The following ST3GAL2 variants were observed in gnomAD, a reference collection of about 807,000 sequenced individuals.
ST3GAL2 encodes CMP-N-acetylneuraminate-beta-galactosamide-alpha-2,3-sialyltransferase 2.
ST3GAL2 carries 16 observed loss-of-function variants against 37.5 expected under a neutral mutation model. That is an observed-to-expected ratio of 0.43 (90% CI 0.29 to 0.65). ST3GAL2 has a LOEUF of 0.65. ST3GAL2 is among the 30% of genes least tolerant of loss of function. The pLI is 0.17. For synonymous variants in ST3GAL2, 238 were observed against 202.9 expected, an observed-to-expected ratio of 1.17 and a Z score of -1.47; for missense variants, 383 against 487.8, an observed-to-expected ratio of 0.79 and a Z score of 2.02.
At chr16:70,423,823 C>A (rs1033521015) in intron 1 of ST3GAL2, among the ~76,000 whole-genome samples, 1 of 151,772 alleles carries the variant, frequency 6.6e-6, no homozygotes, top group South Asian at 2.1e-4. Context: ...GTAATCCCAG[C>A]ACTTTAGGAG....
At chr16:70,394,304 G>A in intron 3 of ST3GAL2, among the ~76,000 whole-genome samples, 1 of 152,208 alleles carries the variant, frequency 6.6e-6, no homozygotes, top group Non-Finnish European at 1.5e-5. Flanking sequence ...TATGAAGCAG[G>A]ATGCTAGCTG....
chr16:70,425,556 T>C (rs1455446091), intron 1 of ST3GAL2, among the ~76,000 whole-genome samples: 1 of 152,186 alleles, frequency 6.6e-6, no homozygotes, highest in Non-Finnish European at 1.5e-5. Context: ...TGCCATTTGT[T>C]AATTTACCTT....
chr16:70,386,208 G>GA (rs1233467673), intron 4 of ST3GAL2, among the ~76,000 whole-genome samples: 1 of 149,984 alleles, frequency 6.7e-6, no homozygotes, highest in Non-Finnish European at 1.5e-5. Flanking sequence ...TTCTTCCTGA[G>GA]ACGGAGTCTC....
chr16:70,391,496 C>T (rs1262430973), intron 3 of ST3GAL2, among the ~76,000 whole-genome samples: 5 of 152,208 alleles, frequency 3.3e-5, no homozygotes, highest in Admixed American at 6.5e-5. Flanking sequence ...CCCTGAATAA[C>T]TCTTAATAGC....
Position 70,395,137 on chromosome 16 carries a change from C to G in ST3GAL2, c.378G>C (p.Glu126Asp), listed in dbSNP as rs2047506842. Reference protein sequence around the residue: ...QPQFKSHNTNEVLEKLFQIVP... With the variant: ...QPQFKSHNTNDVLEKLFQIVP... ...CTATCTGGAACAGCTTCTCCAGCAC[C>G]TCATTGGTGTTGTGTGACTTGAACT... is the stretch of plus-strand genomic sequence containing the variant. The change falls in exon 3 of 7, where the codon GAG becomes GAC. Residue 126 changes from glutamate (E) to aspartate (D), a missense_variant. By Grantham distance (45) the Glu-to-Asp change is conservative. Coordinates refer to ENST00000342907, the MANE Select transcript of ST3GAL2 (RefSeq NM_006927.4). 13 of 1,612,060 alleles carry G rather than the reference C, an allele frequency of 8.1e-6. No homozygotes were observed. The highest frequency in any genetic ancestry group is 2.2e-5 in the East Asian group (1 of 44,720).
At chr16:70,433,212 C>T (rs1435992425) in intron 1 of ST3GAL2, among the ~76,000 whole-genome samples, 1 of 152,152 alleles carries the variant, frequency 6.6e-6, no homozygotes, top group Non-Finnish European at 1.5e-5. Context: ...CTCTAGACTC[C>T]GTCCCCTCTT....
At chr16:70,419,764 A>G (rs556767963) in intron 1 of ST3GAL2, among the ~76,000 whole-genome samples, 1 of 152,122 alleles carries the variant, frequency 6.6e-6, no homozygotes, top group Admixed American at 6.6e-5. Context: ...GTTCTTTCTC[A>G]TCATCAGCCC....
chr16:70,412,593 G>A (rs1035647368), intron 1 of ST3GAL2, among the ~76,000 whole-genome samples: 9 of 152,312 alleles, frequency 5.9e-5, no homozygotes, highest in South Asian at 2.1e-4. Context: ...ACAGTGAACC[G>A]TGATTACGCC....
At chr16:70,430,799 G>A (rs1035147196) in intron 1 of ST3GAL2, among the ~76,000 whole-genome samples, 1 of 152,090 alleles carries the variant, frequency 6.6e-6, no homozygotes, top group African/African-American at 2.4e-5. Context: ...CGAGGAGGCC[G>A]GGGTTCTCTC....
Position 70,392,049 on chromosome 16 carries a change from C to A in ST3GAL2, c.533+2933G>T, listed in dbSNP as rs927217221. Among the ~76,000 whole-genome samples the A allele has an allele frequency of 2.0e-5, 3 of 152,226 alleles. No individual in the cohort carries two copies. The South Asian group carries it at 6.2e-4, about 32-fold the overall frequency. On this transcript the variant is annotated intron_variant, in intron 3 of 6. Transcript: ENST00000342907. ...TCTGTCTTCTGCACTGACTTGGCAG[C>A]CTGAGCTGTCATGAAGTCCCCATGG...
At chr16:70,431,907 T>C (rs1042438325) in intron 1 of ST3GAL2, among the ~76,000 whole-genome samples, 1 of 151,582 alleles carries the variant, frequency 6.6e-6, no homozygotes, top group Admixed American at 6.6e-5. Context: ...GAGCTTGCAG[T>C]GAGCCGAGAT....
At chr16:70,384,198 A>C (rs2047425759) in intron 4 of ST3GAL2, among the ~76,000 whole-genome samples, 1 of 152,200 alleles carries the variant, frequency 6.6e-6, no homozygotes, top group Non-Finnish European at 1.5e-5. Flanking sequence ...TGATACCCAA[A>C]AGGTAGAACA....
chr16:70,395,009 T>G lies in ST3GAL2; in HGVS notation c.506A>C (p.Asp169Ala). Residue 169 changes from aspartate to alanine, a missense_variant, in exon 3 of 7, where the codon GAC becomes GCC. Transcript: ENST00000342907. ...CATGATGAAGTTGTGCCCGTCCACG[T>G]CCTGCCCATAGCCAGAGCCCCGCAG... ...GNLRGSGYGQ[D>A]VDGHNFIMRM... The G allele has an allele frequency of 6.2e-7, 1 of 1,613,774 alleles. No individual in the cohort carries two copies. Among genetic ancestry groups the G allele is most frequent in the Non-Finnish European group, 8.5e-7 (1 of 1,179,920 alleles).
At chr16:70,385,956 C>T (rs541763001) in intron 4 of ST3GAL2, among the ~76,000 whole-genome samples, 1 of 152,188 alleles carries the variant, frequency 6.6e-6, no homozygotes, top group Non-Finnish European at 1.5e-5. Context: ...ATCTACCCTC[C>T]TTGGCCTCCT....
chr16:70,432,260 A>T (rs1267804132), intron 1 of ST3GAL2, among the ~76,000 whole-genome samples: 1 of 152,144 alleles, frequency 6.6e-6, no homozygotes, highest in African/African-American at 2.4e-5. Flanking sequence ...AGTTGGTAAA[A>T]CAGCAAACAT....
chr16:70,429,199 A>G (rs2047771389), intron 1 of ST3GAL2, among the ~76,000 whole-genome samples: 1 of 152,228 alleles, frequency 6.6e-6, no homozygotes. Context: ...CAATTCCCAC[A>G]GACATCTGGC....
chr16:70,382,957 G>T, intron 5 of ST3GAL2, 33 bp from the exon 6 acceptor site: 1 of 1,607,756 alleles, frequency 6.2e-7, no homozygotes, highest in Non-Finnish European at 8.5e-7. Context: ...GTATATGAGG[G>T]GTTTAGGGGC....
At chr16:70,431,092 G>A (rs2047786684) in intron 1 of ST3GAL2, among the ~76,000 whole-genome samples, 4 of 151,436 alleles carry the variant, frequency 2.6e-5, no homozygotes, top group Admixed American at 2.6e-4. Context: ...GGAAGGAGGG[G>A]GCGTGGGGGA....
chr16:70,394,045 G>A lies in ST3GAL2; in HGVS notation c.533+937C>T, dbSNP rs150373040. On this transcript the variant is annotated intron_variant, in intron 3 of 6. Transcript: ENST00000342907. ...AAGTCAAGGGGGGATGTCAGAAAACGCAGGCTCTGGAGCAGAGCAAGCAGC... is the reference window on the plus strand; with the variant it reads ...AAGTCAAGGGGGGATGTCAGAAAACACAGGCTCTGGAGCAGAGCAAGCAGC... 4.8e-3 allele frequency among the ~76,000 whole-genome samples: 733 copies of A among 152,202 alleles called. 13 individuals are homozygous for A. The highest frequency in any genetic ancestry group is 0.016 in the African/African-American group (673 of 41,536).
Sources: allele counts gnomAD v4.1 joint callset (sites outside exome capture counted in the v4.1 genomes callset), GRCh38; gene constraint gnomAD v4.1.1; transcripts MANE v1.5; gene names NCBI Gene and HGNC (gene_info 2026-07-23, HGNC 2026-07-21).